SEMA3A: variants seen among roughly 807,000 people sequenced by gnomAD.
The protein encoded by SEMA3A is semaphorin 3A.
A neutral mutation model predicts 97.9 loss-of-function variants in SEMA3A; 29 were observed. The observed-to-expected ratio is 0.30, with a 90% confidence interval of 0.22 to 0.40. The LOEUF is 0.40. SEMA3A is among the 10% of genes least tolerant of loss of function. The probability of loss-of-function intolerance (pLI) is 1.00; values close to 1 mark genes in which losing one functional copy is unlikely to be tolerated. For synonymous variants in SEMA3A, 321 were observed against 323.7 expected (o/e 0.99, Z 0.09); for missense variants, 763 against 951.3 (o/e 0.80, Z 2.60).
At chr7:83,992,905 G>T (rs1043692402) in intron 12 of SEMA3A, among the ~76,000 whole-genome samples, 5 of 151,618 alleles carry the variant, frequency 3.3e-5, no homozygotes, top group African/African-American at 7.3e-5. Context: ...TCTGTCTAAT[G>T]TTGACACTGG....
chr7:84,146,240 G>A (rs1273861395), intron 1 of SEMA3A, among the ~76,000 whole-genome samples: 2 of 152,214 alleles, frequency 1.3e-5, no homozygotes, highest in Admixed American at 6.5e-5. Flanking sequence ...CAAATTATAC[G>A]TGGAGGAAAT....
At chr7:84,409,967 T>A (rs981261252) in intron 1 of SEMA3A, among the ~76,000 whole-genome samples, 9 of 152,100 alleles carry the variant, frequency 5.9e-5, no homozygotes, top group African/African-American at 1.9e-4. Flanking sequence ...AATCTTTTCT[T>A]AATAGCTTTC....
At chr7:84,046,485 T>G in intron 5 of SEMA3A, 42 bp from the exon 6 acceptor site, 1 of 1,607,892 alleles carries the variant, frequency 6.2e-7, no homozygotes, top group Non-Finnish European at 8.5e-7. Context: ...TTAATTCAAT[T>G]AAGGCAAAAA....
chr7:84,116,380 G>C (rs1022131976), intron 3 of SEMA3A, among the ~76,000 whole-genome samples: 3 of 151,880 alleles, frequency 2.0e-5, no homozygotes, highest in Non-Finnish European at 4.4e-5. Flanking sequence ...TGCTTTAAAA[G>C]GAGATTAAAA....
Position 84,463,469 on chromosome 7 carries a change from C to T in SEMA3A, c.-246+28991G>A, listed in dbSNP as rs553708876. ...TTCACCGTGTTAGCCAGGATAGTCC[C>T]GATCTCCTAACCTCGTGATCCGCCC... On this transcript the variant is annotated intron_variant, in intron 1 of 3. Coordinates refer to the SEMA3A transcript ENST00000424555. 3.3e-5 allele frequency among the ~76,000 whole-genome samples: 5 copies of T among 151,898 alleles called. No homozygotes were observed. In the East Asian group the frequency reaches 9.7e-4, roughly 30 times the overall value.
chr7:83,967,239 C>T (rs1042398870), intron 15 of SEMA3A, among the ~76,000 whole-genome samples: 2 of 152,096 alleles, frequency 1.3e-5, no homozygotes, highest in Non-Finnish European at 2.9e-5. Context: ...AATTAGAAGG[C>T]ATTCAATAAA....
intron 3 of SEMA3A, among the ~76,000 whole-genome samples, chr7:84,120,108 A>C (rs1363506626): frequency 6.6e-6 from 1 of 152,122 alleles, no homozygotes; most frequent in Non-Finnish European, 1.5e-5. Context: ...ACCAAAAAAA[A>C]AAAAAATTAA....
intron 3 of SEMA3A, among the ~76,000 whole-genome samples, chr7:84,125,013 G>A (rs1795749563): frequency 6.6e-6 from 1 of 151,978 alleles, no homozygotes; most frequent in South Asian, 2.1e-4. Context: ...TTAACATTGA[G>A]TAGAGCTGGA....
At chr7:84,368,384 A>G (rs760330436) in intron 2 of SEMA3A, among the ~76,000 whole-genome samples, 2 of 151,168 alleles carry the variant, frequency 1.3e-5, no homozygotes, top group Non-Finnish European at 3.0e-5. Context: ...TTGTAATTAA[A>G]AACATGTTAT....
At chr7:84,414,131 T>G (rs1434983197) in intron 1 of SEMA3A, among the ~76,000 whole-genome samples, 3 of 152,148 alleles carry the variant, frequency 2.0e-5, no homozygotes. Flanking sequence ...GTTTAAAAAG[T>G]AAATTATATA....
chr7:84,476,291 G>A (rs1313101602), intron 1 of SEMA3A, among the ~76,000 whole-genome samples: 2 of 151,418 alleles, frequency 1.3e-5, no homozygotes, highest in African/African-American at 2.4e-5. Context: ...CCCGGGAGGC[G>A]GAGGTTGCAG....
chr7:84,032,208 T>C (rs1286596002), intron 6 of SEMA3A, among the ~76,000 whole-genome samples: 1 of 152,142 alleles, frequency 6.6e-6, no homozygotes, highest in Non-Finnish European at 1.5e-5. Context: ...CCTAGGGGTC[T>C]AGTGAAAGGG....
chr7:84,260,353 A>G (rs899363246), intron 3 of SEMA3A, among the ~76,000 whole-genome samples: 10 of 152,050 alleles, frequency 6.6e-5, no homozygotes, highest in Non-Finnish European at 1.0e-4. Context: ...AGGTGCAGCT[A>G]TTTACTACAT....
intron 4 of SEMA3A, among the ~76,000 whole-genome samples, chr7:84,066,366 A>G (rs1460500675): frequency 6.6e-6 from 1 of 151,234 alleles, no homozygotes; most frequent in Non-Finnish European, 1.5e-5. Context: ...GGCACAATAC[A>G]GGGATGCCCT....
chr7:84,123,678 C>A (rs1336568907), intron 3 of SEMA3A, among the ~76,000 whole-genome samples: 1 of 148,408 alleles, frequency 6.7e-6, no homozygotes, highest in African/African-American at 2.5e-5. Flanking sequence ...ATTAAAAGAA[C>A]AATAAGTGTT....
rs143127037 is a variant in SEMA3A, at chr7:84,441,506, G to A, written c.-246+50954C>T. Among the ~76,000 whole-genome samples, 28 of 151,824 alleles carry A rather than the reference G, an allele frequency of 1.8e-4. No homozygotes were observed. In the East Asian group the frequency reaches 3.5e-3, roughly 19 times the overall value. ...CATCAGAAATTTTTTGGTATAAGGT[G>A]CTGACAGAAAAAAAAATTAAAAACT... On this transcript the variant is annotated intron_variant, in intron 1 of 3. Transcript: ENST00000424555.
chr7:83,996,273 TAAC>T (rs1471404362), intron 12 of SEMA3A, among the ~76,000 whole-genome samples: 1 of 151,782 alleles, frequency 6.6e-6, no homozygotes, highest in African/African-American at 2.4e-5. Context: ...TATAACTAGT[TAAC>T]AACAGCTACC....
At chr7:83,984,608 C>CTTTTTTTTTTTTTTTTTT (rs371082897) in intron 13 of SEMA3A, among the ~76,000 whole-genome samples, 2 of 98,878 alleles carry the variant, frequency 2.0e-5, no homozygotes, top group Non-Finnish European at 3.9e-5. Context: ...GATTTTTCTG[C>CTTTTTTTTTTTTTTTTTT]TTTTTTTTTT....
At chr7:83,979,244 C>T (rs1191702401) in intron 14 of SEMA3A, among the ~76,000 whole-genome samples, 1 of 150,962 alleles carries the variant, frequency 6.6e-6, no homozygotes, top group Non-Finnish European at 1.5e-5. Flanking sequence ...AGCAATTCTT[C>T]TGCCTCAGCC....
Sources: allele counts gnomAD v4.1 joint callset (sites outside exome capture counted in the v4.1 genomes callset), GRCh38; gene constraint gnomAD v4.1.1; transcripts MANE v1.5; gene names NCBI Gene and HGNC (gene_info 2026-07-23, HGNC 2026-07-21).